Variants in KLK15 observed in about 807,000 individuals in gnomAD.
KLK15 encodes the protein kallikrein related peptidase 15, also known as kallikrein-15.
KLK15 carries 19 observed loss-of-function variants against 21.1 expected under a neutral mutation model. The observed-to-expected ratio is 0.90, with a 90% CI of 0.63 to 1.32. The LOEUF is 1.32. KLK15 is among the 40% of genes most tolerant of loss of function. The pLI is 0.00. For synonymous variants in KLK15, 141 were observed against 141.5 expected (o/e 1.00, Z 0.03); for missense variants, 345 against 348.6 (o/e 0.99, Z 0.08).
At chr19:50,826,670 T>C (rs2089884456) in exon 4 of KLK15, 5 of 1,613,494 alleles carry the variant, frequency 3.1e-6, no homozygotes, top group African/African-American at 1.3e-5. Flanking sequence ...CACCATGGTG[T>C]TTGTCAGGCG....
upstream of KLK15, among the ~76,000 whole-genome samples, chr19:50,832,323 T>TTTTC (rs1555766963): frequency 4.5e-5 from 3 of 66,350 alleles, no homozygotes; most frequent in African/African-American, 7.3e-5. Flanking sequence ...TTTTTTTTTC[T>TTTTC]TTTTTTTTTT....
At chr19:50,831,972 C>T (rs1460683300), upstream of KLK15, among the ~76,000 whole-genome samples, 3 of 151,950 alleles carry the variant, frequency 2.0e-5, no homozygotes, top group African/African-American at 7.3e-5. Context: ...CCACCGTGCC[C>T]GGCTAATTTT....
chr19:50,829,288 G>A (rs2089941359), intron 1 of KLK15, among the ~76,000 whole-genome samples: 1 of 151,650 alleles, frequency 6.6e-6, no homozygotes, highest in Non-Finnish European at 1.5e-5. Flanking sequence ...GAAGATTGTT[G>A]TAAGGATGAG....
chr19:50,832,241 C>G (rs1208780841), upstream of KLK15, among the ~76,000 whole-genome samples: 7 of 152,094 alleles, frequency 4.6e-5, no homozygotes, highest in Admixed American at 3.3e-4. Flanking sequence ...GTGCCCCTCC[C>G]CTGCTCACCA....
chr19:50,827,157 T>A (rs1479780129), exon 3 of KLK15: 2 of 1,580,850 alleles, frequency 1.3e-6, no homozygotes, highest in Admixed American at 1.7e-5. Flanking sequence ...CGCACTCTCA[T>A]GAAGCTGTGC....
intron 4 of KLK15, 113 bp downstream of exon 5, chr19:50,826,508 G>A: frequency 7.7e-7 from 1 of 1,306,388 alleles, no homozygotes; most frequent in East Asian, 2.4e-5. Context: ...CCATCTCCAA[G>A]CCTAACCCTA....
chr19:50,825,812 G>T, exon 5 of KLK15: 1 of 1,613,846 alleles, frequency 6.2e-7, no homozygotes, highest in African/African-American at 1.3e-5. Flanking sequence ...CCTCTTCATG[G>T]TTTCCCTGAT....
chr19:50,832,324 T>TC (rs1555766979), upstream of KLK15, among the ~76,000 whole-genome samples: 2 of 103,762 alleles, frequency 1.9e-5, no homozygotes, highest in African/African-American at 6.5e-5. Context: ...TTTTTTTTCT[T>TC]TTTTTTTTTT....
At chr19:50,828,091 G>C (rs1349421285) in intron 1 of KLK15, among the ~76,000 whole-genome samples, 1 of 151,174 alleles carries the variant, frequency 6.6e-6, no homozygotes, top group Non-Finnish European at 1.5e-5. Flanking sequence ...TAGCTGAGGT[G>C]CCCGCCACCA....
At chr19:50,830,071 G>A (rs1226660601) in intron 1 of KLK15, among the ~76,000 whole-genome samples, 1 of 151,500 alleles carries the variant, frequency 6.6e-6, no homozygotes, top group Non-Finnish European at 1.5e-5. Context: ...TGGAGTCACT[G>A]ATTGGGTTTC....
exon 2 of KLK15, chr19:50,827,663 G>A (rs1478331385): frequency 6.2e-7 from 1 of 1,610,484 alleles, no homozygotes; most frequent in Non-Finnish European, 8.5e-7. Context: ...CCTTCATACC[G>A]GCTTTGGCAG....
chr19:50,829,205 C>T (rs991141200), intron 1 of KLK15, among the ~76,000 whole-genome samples: 1 of 151,258 alleles, frequency 6.6e-6, no homozygotes, highest in Non-Finnish European at 1.5e-5. Flanking sequence ...AGCCTGGGTT[C>T]GAATGTACTA....
downstream of KLK15, chr19:50,825,596 T>C (rs1295704287): frequency 2.1e-6 from 1 of 480,766 alleles, no homozygotes; most frequent in Non-Finnish European, 3.6e-6. Context: ...GCAACTTGGA[T>C]CAGCGCTTTG....
upstream of KLK15, among the ~76,000 whole-genome samples, chr19:50,832,103 G>A (rs2089998324): frequency 1.4e-5 from 2 of 146,618 alleles, no homozygotes; most frequent in African/African-American, 5.1e-5. Flanking sequence ...TTACAGGCAT[G>A]AGCCACCGCG....
chr19:50,828,537 G>T (rs373181609), intron 1 of KLK15, among the ~76,000 whole-genome samples: 1 of 151,848 alleles, frequency 6.6e-6, no homozygotes, highest in Admixed American at 6.6e-5. Context: ...AATTCAGTGT[G>T]CAGTATGAGT....
At chr19:50,826,684 T>C (rs1479555306) in exon 4 of KLK15, 3 of 1,613,948 alleles carry the variant, frequency 1.9e-6, no homozygotes, top group Non-Finnish European at 1.7e-6. Flanking sequence ...TCAGGCGCCC[T>C]GGGTAGCTCT....
chr19:50,826,476 T>C, intron 4 of KLK15, 145 bp downstream of exon 5: 1 of 961,034 alleles, frequency 1.0e-6, no homozygotes, highest in South Asian at 1.8e-5. Flanking sequence ...ACCTCACCCC[T>C]ATTCTAACTT....
Position 50,826,617 on chromosome 19 carries a change from T to A in KLK15, c.618+4A>T, listed in dbSNP as rs776590163. The stretch of plus-strand genomic sequence containing the variant: ...TCCGCCTGATGGCCCCTCTAGGCTC[T>A]GACCTCACAGGATTCTGCGCCTCTG... On this transcript the variant is annotated splice_donor_region_variant and intron_variant, in intron 4 of 4. Transcript: ENST00000598239. 1 of 1,591,976 alleles carries A rather than the reference T, an allele frequency of 6.3e-7. No homozygotes were observed. Among genetic ancestry groups the A allele is most frequent in the Non-Finnish European group, 8.5e-7 (1 of 1,170,940 alleles).
intron 1 of KLK15, chr19:50,830,555 CGCGAGGCAGGT>C (rs1255483742): frequency 6.9e-6 from 1 of 145,676 alleles, no homozygotes; most frequent in East Asian, 1.9e-4. Flanking sequence ...AGCAGGCAGG[CGCGAGGCAGGT>C]AGGTGAGTGC....
Sources: allele counts gnomAD v4.1 joint callset (sites outside exome capture counted in the v4.1 genomes callset), GRCh38; gene constraint gnomAD v4.1.1; transcripts MANE v1.5; gene names NCBI Gene and HGNC (gene_info 2026-07-23, HGNC 2026-07-21).